FHIT: variants seen among roughly 807,000 people sequenced by gnomAD.
FHIT encodes the protein fragile histidine triad diadenosine triphosphatase, also known as bis(5'-adenosyl)-triphosphatase.
In FHIT, 19 loss-of-function variants were observed where a neutral mutation model predicts 17.9. That is an observed-to-expected ratio of 1.06 (90% CI 0.74 to 1.56). FHIT has a LOEUF of 1.56. Ranked by LOEUF, FHIT falls within the 40% of genes most tolerant of loss-of-function variation. The probability of loss-of-function intolerance (pLI) is 0.00; values close to 1 mark genes in which losing one functional copy is unlikely to be tolerated. For synonymous variants in FHIT, 81 were observed against 69.7 expected (o/e 1.16, Z -0.81); for missense variants, 248 against 189.2 (o/e 1.31, Z -1.82).
chr3:60,427,452 G>A (rs942931180), intron 5 of FHIT, among the ~76,000 whole-genome samples: 1 of 152,076 alleles, frequency 6.6e-6, no homozygotes, highest in African/African-American at 2.4e-5. Context: ...AATATGCCAT[G>A]TTCCAGCCTA....
intron 5 of FHIT, among the ~76,000 whole-genome samples, chr3:60,485,100 G>T (rs1200333538): frequency 6.6e-6 from 1 of 152,144 alleles, no homozygotes. Flanking sequence ...AAACCATAAT[G>T]AGATACCATC....
chr3:59,938,177 TA>T, intron 7 of FHIT, among the ~76,000 whole-genome samples: 1 of 152,164 alleles, frequency 6.6e-6, no homozygotes, highest in Middle Eastern at 3.4e-3. Flanking sequence ...ACAAACAGAT[TA>T]AAAAATGGTA....
At chr3:60,065,601 C>T (rs1702466141) in intron 5 of FHIT, among the ~76,000 whole-genome samples, 1 of 152,158 alleles carries the variant, frequency 6.6e-6, no homozygotes, top group Admixed American at 6.5e-5. Context: ...CTTTGTTTTA[C>T]ACAGCAAGAA....
intron 5 of FHIT, among the ~76,000 whole-genome samples, chr3:60,359,011 AC>A (rs1221805326): frequency 1.3e-5 from 2 of 152,176 alleles, no homozygotes; most frequent in East Asian, 1.9e-4. Flanking sequence ...AGGACATAAA[AC>A]AAAAGCTCAT....
chr3:60,021,027 G>C lies in FHIT; in HGVS notation c.104-6875C>G, dbSNP rs142068102. On this transcript the variant is annotated intron_variant, in intron 5 of 9. Transcript: ENST00000492590. ...TTCAGTAACTCAATAAAGGGTTCAT[G>C]GGATATTCATCAACCATAACCATAA... Among the ~76,000 whole-genome samples, 820 of 152,236 alleles carry C rather than the reference G, an allele frequency of 5.4e-3. 6 individuals carry two copies. Among genetic ancestry groups the C allele is most frequent in the African/African-American group, 0.018 (758 of 41,524 alleles).
chr3:60,438,931 T>G (rs2030540075), intron 5 of FHIT, among the ~76,000 whole-genome samples: 1 of 152,132 alleles, frequency 6.6e-6, no homozygotes, highest in Non-Finnish European at 1.5e-5. Context: ...CATCATACTT[T>G]TAGTGTATTT....
intron 8 of FHIT, among the ~76,000 whole-genome samples, chr3:59,896,265 A>G (rs1704066600): frequency 6.6e-6 from 1 of 152,230 alleles, no homozygotes; most frequent in African/African-American, 2.4e-5. Context: ...CATCTGTTGA[A>G]TGAATAGATA....
At chr3:60,344,405 A>G (rs1453309493) in intron 5 of FHIT, among the ~76,000 whole-genome samples, 2 of 152,194 alleles carry the variant, frequency 1.3e-5, no homozygotes, top group Non-Finnish European at 2.9e-5. Context: ...TGTATTTTGT[A>G]TCTATTTTCT....
chr3:60,204,559 G>A (rs1216395243), intron 5 of FHIT, among the ~76,000 whole-genome samples: 1 of 151,714 alleles, frequency 6.6e-6, no homozygotes, highest in Non-Finnish European at 1.5e-5. Context: ...CCAAAGTGCT[G>A]GGATTACAGG....
At chr3:60,898,972 G>A (rs1445711336) in intron 3 of FHIT, among the ~76,000 whole-genome samples, 3 of 152,168 alleles carry the variant, frequency 2.0e-5, no homozygotes, top group Non-Finnish European at 4.4e-5. Flanking sequence ...TCAGGTTCTA[G>A]TCTAATGGCC....
chr3:60,282,274 T>G (rs1707496277), intron 5 of FHIT, among the ~76,000 whole-genome samples: 2 of 152,154 alleles, frequency 1.3e-5, no homozygotes, highest in Non-Finnish European at 2.9e-5. Context: ...ATAAACAAAC[T>G]GTGGCAAATC....
intron 4 of FHIT, among the ~76,000 whole-genome samples, chr3:60,744,172 G>A (rs1553714618): frequency 6.8e-6 from 1 of 147,216 alleles, no homozygotes; most frequent in East Asian, 2.0e-4. Context: ...GCCGTCCACA[G>A]CAGTCTACTG....
chr3:60,469,275 C>G (rs918299189), intron 5 of FHIT, among the ~76,000 whole-genome samples: 3 of 152,022 alleles, frequency 2.0e-5, no homozygotes, highest in African/African-American at 7.2e-5. Flanking sequence ...CTCTTTAAGG[C>G]CAATAACTCT....
At chr3:60,388,482 A>G (rs1472834593) in intron 5 of FHIT, among the ~76,000 whole-genome samples, 1 of 152,092 alleles carries the variant, frequency 6.6e-6, no homozygotes, top group Non-Finnish European at 1.5e-5. Flanking sequence ...ACATGCCTGT[A>G]GACCCAGCTA....
intron 4 of FHIT, among the ~76,000 whole-genome samples, chr3:60,631,552 G>GA (rs2039443600): frequency 6.6e-6 from 1 of 152,038 alleles, no homozygotes. Flanking sequence ...AGAACAAGAG[G>GA]AAAAAAATTA....
Position 60,545,866 on chromosome 3 carries a change from C to T in FHIT, c.-17-8887G>A, listed in dbSNP as rs112878002. On this transcript the variant is annotated intron_variant, in intron 4 of 9. Coordinates refer to ENST00000492590, the MANE Select transcript of FHIT (RefSeq NM_002012.4). The stretch of plus-strand genomic sequence containing the variant: ...ACATCAAATTGTTATCCAAATCTCT[C>T]TTTGTCTCATTGCTTCATTGGTTTC... 3.3e-5 allele frequency among the ~76,000 whole-genome samples: 5 copies of T among 152,084 alleles called. No homozygotes were observed. The South Asian group carries it at 6.2e-4, about 19-fold the overall frequency.
chr3:60,719,316 A>G (rs1386516704), intron 4 of FHIT, among the ~76,000 whole-genome samples: 2 of 152,234 alleles, frequency 1.3e-5, no homozygotes, highest in Non-Finnish European at 1.5e-5. Flanking sequence ...TATGCTAAAA[A>G]TAACTTATAG....
chr3:60,578,613 C>T (rs1418748961), intron 4 of FHIT, among the ~76,000 whole-genome samples: 1 of 152,036 alleles, frequency 6.6e-6, no homozygotes, highest in African/African-American at 2.4e-5. Flanking sequence ...ATATGTGGCA[C>T]AAGGTTTTGT....
Position 60,899,977 on chromosome 3 carries a change from C to T in FHIT, c.-110-77966G>A, listed in dbSNP as rs371488315. Reference sequence around the variant, plus strand: ...GGCACAGGAGTCCTCAGTTGAGCATCCCCCACTCATTGGGCCCCAGCAGCT... The same window carrying T: ...GGCACAGGAGTCCTCAGTTGAGCATTCCCCACTCATTGGGCCCCAGCAGCT... On this transcript the variant is annotated intron_variant, in intron 3 of 9. Coordinates refer to ENST00000492590, the MANE Select transcript of FHIT (RefSeq NM_002012.4). 1.6e-4 allele frequency among the ~76,000 whole-genome samples: 24 copies of T among 152,262 alleles called. No individual in the cohort carries two copies. In the South Asian group the frequency reaches 4.8e-3, roughly 30 times the overall value.
Sources: allele counts gnomAD v4.1 joint callset (sites outside exome capture counted in the v4.1 genomes callset), GRCh38; gene constraint gnomAD v4.1.1; transcripts MANE v1.5; gene names NCBI Gene and HGNC (gene_info 2026-07-23, HGNC 2026-07-21).